The following ISM2 variants were observed in gnomAD, a reference collection of about 807,000 sequenced individuals.
ISM2 encodes isthmin-2.
ISM2 carries 50 observed loss-of-function variants against 58.0 expected under a neutral mutation model. The ratio of observed to expected loss-of-function variants is 0.86; its 90% CI spans 0.69 to 1.09. The LOEUF is 1.09. Ranked by LOEUF, ISM2 falls within the 50% of genes least tolerant of loss-of-function variation. The pLI, the probability that ISM2 is intolerant of heterozygous loss-of-function variation, is 0.00. For synonymous variants in ISM2, 303 were observed against 312.4 expected (o/e 0.97, Z 0.32); for missense variants, 723 against 745.0 (o/e 0.97, Z 0.34).
At chr14:77,482,938 G>A (rs2139960346) in intron 3 of ISM2, 2 of 352,682 alleles carry the variant, frequency 5.7e-6, no homozygotes, top group Non-Finnish European at 1.0e-5. Context: ...CTGGGGCCAG[G>A]TATGGCGGTT....
At chr14:77,481,201 G>T (rs984487140) in intron 4 of ISM2, among the ~76,000 whole-genome samples, 47 of 152,040 alleles carry the variant, frequency 3.1e-4, no homozygotes, top group African/African-American at 1.1e-3. Context: ...TTAGCCAGGC[G>T]TGGTGGTCCA....
intron 1 of ISM2, 113 bp downstream of exon 1, chr14:77,498,539 CG>C (rs999207355): frequency 1.2e-5 from 17 of 1,371,600 alleles, no homozygotes; most frequent in Admixed American, 2.5e-5. Flanking sequence ...CTCTCTCCAT[CG>C]GGGGGTCGCT....
At chr14:77,497,623 G>A (rs1352401086) in intron 1 of ISM2, among the ~76,000 whole-genome samples, 2 of 151,670 alleles carry the variant, frequency 1.3e-5, no homozygotes, top group Non-Finnish European at 2.9e-5. Context: ...GAGTCCGGGA[G>A]GTTGAGGCTA....
At chr14:77,498,477 G>A in intron 1 of ISM2, 176 bp downstream of exon 1, 1 of 1,183,168 alleles carries the variant, frequency 8.5e-7, no homozygotes, top group Non-Finnish European at 1.2e-6. Flanking sequence ...CCCGAAGTCC[G>A]GCGCACCTGG....
intron 1 of ISM2, among the ~76,000 whole-genome samples, chr14:77,497,271 G>GGCAGGAGAATA (rs2079248866): frequency 6.6e-6 from 1 of 151,360 alleles, no homozygotes; most frequent in Non-Finnish European, 1.5e-5. Flanking sequence ...GGGAGGCTGA[G>GGCAGGAGAATA]GCAGGAGAAT....
Position 77,482,340 on chromosome 14 carries a change from T to C in ISM2, c.955A>G (p.Lys319Glu), listed in dbSNP as rs1034540372. The C allele has an allele frequency of 5.0e-6, 8 of 1,613,340 alleles. No individual in the cohort carries two copies. In the South Asian group the frequency reaches 5.5e-5, roughly 11 times the overall value. Reference sequence around the variant, plus strand: ...TGCTCACCGTAGCTGACAGAATCCTTGAAGACCCAATCCCCGGGGGCCAGC... The same window carrying C: ...TGCTCACCGTAGCTGACAGAATCCTCGAAGACCCAATCCCCGGGGGCCAGC... Reference protein sequence around the residue: ...GWLAPGDWVFKDSVSYDYEPQ... With the variant: ...GWLAPGDWVFEDSVSYDYEPQ... The change falls in exon 4 of 7, where the codon AAG becomes GAG. Residue 319 changes from lysine (K) to glutamate (E), a missense_variant. Coordinates refer to ENST00000342219, the MANE Select transcript of ISM2 (RefSeq NM_199296.3).
chr14:77,484,491 C>A lies in ISM2; in HGVS notation c.459G>T (p.Gln153His). The A allele has an allele frequency of 6.2e-7, 1 of 1,607,400 alleles. No individual in the cohort carries two copies. Among genetic ancestry groups the A allele is most frequent in the Middle Eastern group, 1.7e-4 (1 of 6,014 alleles). The change falls in exon 3 of 7, where the codon CAG becomes CAT. Residue 153 changes from glutamine (Q) to histidine (H), a missense_variant. Gln to His is a conservative substitution (Grantham distance 24, BLOSUM62 0). Coordinates refer to ENST00000342219, the MANE Select transcript of ISM2 (RefSeq NM_199296.3). The part of the protein sequence containing the change: ...EARLLPRTHL[Q>H]AELHQHGCWT... ...AACATCCATGTTGGTGTAGCTCTGC[C>A]TGCAGGTGGGTTCTGGGGAGCAGTC...
chr14:77,486,584 C>A (rs2079169221), intron 1 of ISM2, among the ~76,000 whole-genome samples: 1 of 152,304 alleles, frequency 6.6e-6, no homozygotes. Context: ...CCCACAATTC[C>A]ACCAAAGCCC....
chr14:77,485,244 G>A (rs2079160852), intron 1 of ISM2, among the ~76,000 whole-genome samples: 1 of 152,214 alleles, frequency 6.6e-6, no homozygotes, highest in Admixed American at 6.5e-5. Flanking sequence ...AGGGGAGAGA[G>A]TTGTTTCAGA....
chr14:77,492,604 C>G (rs999533416), intron 1 of ISM2, among the ~76,000 whole-genome samples: 40 of 150,638 alleles, frequency 2.7e-4, no homozygotes, highest in African/African-American at 4.9e-5. Flanking sequence ...AGAGCAGCCT[C>G]GAACTCCTCG....
In ISM2 at chr14:77,475,500, C is replaced by A. The variant is rs1290408566; in HGVS notation, c.*95G>T. The A allele has an allele frequency of 1.5e-6, 2 of 1,373,466 alleles. No individual in the cohort carries two copies. Among genetic ancestry groups the A allele is most frequent in the African/African-American group, 2.9e-5 (2 of 68,936 alleles). The allele number at this position is 1,373,466 out of a possible 1,614,324, so 85.1% of individuals were successfully genotyped here. ...CCTCACTGGGGGAGCCCTTTCCTCA[C>A]CCTGTCTGGGCAGGGGCGGGTGAGG... On this transcript the variant is annotated 3_prime_UTR_variant, in exon 7 of 7. Coordinates refer to ENST00000342219, the MANE Select transcript of ISM2 (RefSeq NM_199296.3). The surrounding 1 kb of genome is among the most constrained non-coding windows in gnomAD (Gnocchi z 4.1).
At chr14:77,491,836 C>G (rs1421362163) in intron 1 of ISM2, among the ~76,000 whole-genome samples, 1 of 151,468 alleles carries the variant, frequency 6.6e-6, no homozygotes, top group Non-Finnish European at 1.5e-5. Context: ...GCTGGGATTA[C>G]AGGCCCCTGC....
chr14:77,493,896 C>T (rs1168619132), intron 1 of ISM2, among the ~76,000 whole-genome samples: 2 of 152,160 alleles, frequency 1.3e-5, no homozygotes, highest in Non-Finnish European at 2.9e-5. Flanking sequence ...CTCAGCCTCC[C>T]GAGTAGCTGG....
At chr14:77,481,368 T>C (rs969729802) in intron 4 of ISM2, among the ~76,000 whole-genome samples, 4 of 152,006 alleles carry the variant, frequency 2.6e-5, no homozygotes, top group African/African-American at 9.7e-5. Flanking sequence ...AAATCTGTCA[T>C]CATGAGAGGC....
intron 1 of ISM2, among the ~76,000 whole-genome samples, chr14:77,490,248 C>T (rs539174307): frequency 5.9e-5 from 9 of 152,332 alleles, no homozygotes; most frequent in African/African-American, 1.7e-4. Flanking sequence ...CCGCCCGCCT[C>T]GGCCTCCCAA....
chr14:77,489,937 C>T (rs1167177658), intron 1 of ISM2, among the ~76,000 whole-genome samples: 2 of 152,216 alleles, frequency 1.3e-5, no homozygotes, highest in Non-Finnish European at 2.9e-5. Flanking sequence ...GATCTTGGCT[C>T]ACTGCAAGCT....
chr14:77,493,212 T>C (rs935850609), intron 1 of ISM2, among the ~76,000 whole-genome samples: 1 of 152,138 alleles, frequency 6.6e-6, no homozygotes, highest in Non-Finnish European at 1.5e-5. Context: ...CCCAGGCTGA[T>C]CTTGAACTCC....
chr14:77,485,447 CT>C (rs1249829526), intron 1 of ISM2, among the ~76,000 whole-genome samples: 1 of 152,268 alleles, frequency 6.6e-6, no homozygotes, highest in Non-Finnish European at 1.5e-5. Flanking sequence ...CTCCGCCTGC[CT>C]GCCTGGGGCC....
At position 77,482,323 on chromosome 14, in the gene ISM2, G is replaced by A. The variant is rs768822113; in HGVS notation, c.972C>T (p.Tyr324=). The A allele has an allele frequency of 2.3e-5, 37 of 1,610,388 alleles. No individual in the cohort carries two copies. Among genetic ancestry groups the A allele is most frequent in the South Asian group, 3.3e-5 (3 of 90,538 alleles). The change falls in exon 4 of 7, where the codon TAC becomes TAT. Residue 324 remains tyrosine (Y), a splice_region_variant and synonymous_variant. Transcript: ENST00000342219. ...GGATGCCAAGATGGGGGTGCTCACCGTAGCTGACAGAATCCTTGAAGACCC... is the reference window on the plus strand; with the variant it reads ...GGATGCCAAGATGGGGGTGCTCACCATAGCTGACAGAATCCTTGAAGACCC... ...GDWVFKDSVS[Y]DYEPQKEWSP...
Sources: allele counts gnomAD v4.1 joint callset (sites outside exome capture counted in the v4.1 genomes callset), GRCh38; gene constraint gnomAD v4.1.1; non-coding constraint Gnocchi (gnomAD v3.1); transcripts MANE v1.5; gene names NCBI Gene and HGNC (gene_info 2026-07-23, HGNC 2026-07-21).